Variants in NTSR1 observed in about 807,000 individuals in gnomAD.
The protein encoded by NTSR1 is neurotensin receptor 1, also known as neurotensin receptor type 1.
Under a neutral mutation model 31.2 loss-of-function variants are expected in NTSR1, and 29 were observed. The ratio of observed to expected loss-of-function variants is 0.93; its 90% CI spans 0.69 to 1.27. The LOEUF (loss-of-function observed/expected upper bound fraction) is 1.27, where lower values mean the gene tolerates loss of function less well. NTSR1 is among the 50% of genes most tolerant of loss of function. The probability of loss-of-function intolerance (pLI) is 0.00; values close to 1 mark genes in which losing one functional copy is unlikely to be tolerated. For synonymous variants in NTSR1, 282 were observed against 269.9 expected, an observed-to-expected ratio of 1.04 and a Z score of -0.44; for missense variants, 697 against 595.4, an observed-to-expected ratio of 1.17 and a Z score of -1.78.
Position 62,754,844 on chromosome 20 carries a change from C to G in NTSR1, c.874C>G (p.Pro292Ala). 1 of 1,607,312 alleles carries G rather than the reference C, an allele frequency of 6.2e-7. No homozygotes were observed. ...CAGCACATTCAGCATGGCCATCGAG[C>G]CTGGCAGGGTCCAGGCCCTGCGGCA... is the stretch of plus-strand genomic sequence containing the variant. The part of the protein sequence containing the change: ...EHSTFSMAIE[P>A]GRVQALRHGV... The change falls in exon 2 of 4, where the codon CCT becomes GCT. Residue 292 changes from proline to alanine, a missense_variant. Physicochemically the swap from Pro to Ala is conservative, Grantham distance 27. Transcript: ENST00000370501.
At chr20:62,738,412 A>G (rs1989143819) in intron 1 of NTSR1, among the ~76,000 whole-genome samples, 1 of 152,232 alleles carries the variant, frequency 6.6e-6, no homozygotes, top group African/African-American at 2.4e-5. Context: ...TGCCAGCAGT[A>G]ATAGCCCGAG....
rs940495900 is a variant in NTSR1 at position 62,711,926 on chromosome 20, C to T, written c.714+2005C>T. On this transcript the variant is annotated intron_variant, in intron 1 of 3. Coordinates refer to ENST00000370501, the MANE Select transcript of NTSR1 (RefSeq NM_002531.3). This position sits in a 1 kb window ranked among gnomAD's most constrained non-coding sequence, Gnocchi z 6.4. ...CTGTGACGTATCAACCGTAGGACAGCGGCCCCACGCCCTGCAGACGCCATG... is the reference window on the plus strand; with the variant it reads ...CTGTGACGTATCAACCGTAGGACAGTGGCCCCACGCCCTGCAGACGCCATG... Among the ~76,000 whole-genome samples, 1 of 152,228 alleles carries T rather than the reference C, an allele frequency of 6.6e-6. No homozygotes were observed.
chr20:62,723,566 C>T (rs1299108314), intron 1 of NTSR1, among the ~76,000 whole-genome samples: 4 of 152,198 alleles, frequency 2.6e-5, no homozygotes, highest in Admixed American at 6.5e-5. Flanking sequence ...GAGGGATAAG[C>T]CATTCCATCT....
intron 1 of NTSR1, among the ~76,000 whole-genome samples, chr20:62,731,106 C>T (rs760563620): frequency 2.6e-5 from 4 of 151,898 alleles, no homozygotes; most frequent in Admixed American, 6.6e-5. Context: ...GTTTTTGAGA[C>T]GGAGTTTCGC....
At position 62,758,003 on chromosome 20, in the gene NTSR1, C is replaced by G. The variant is rs951739297; in HGVS notation, c.917-263C>G. On this transcript the variant is annotated intron_variant, in intron 2 of 3. Coordinates refer to ENST00000370501, the MANE Select transcript of NTSR1 (RefSeq NM_002531.3). This position sits in a 1 kb window ranked among gnomAD's most constrained non-coding sequence, Gnocchi z 4.5. ...CAGGTGCAGTGGGTCTCTGAGCCCA[C>G]GTCTCTGTGCCTCAGGTGCAGTGGG... Among the ~76,000 whole-genome samples the G allele has an allele frequency of 6.6e-6, 1 of 150,456 alleles. No individual in the cohort carries two copies. The highest frequency in any genetic ancestry group is 1.5e-5 in the Non-Finnish European group (1 of 67,638).
intron 1 of NTSR1, among the ~76,000 whole-genome samples, chr20:62,735,020 C>T (rs1034156837): frequency 1.3e-5 from 2 of 152,126 alleles, no homozygotes; most frequent in Non-Finnish European, 2.9e-5. Flanking sequence ...GTGCCGCGTG[C>T]GGGGTGCCAG....
chr20:62,715,377 C>T lies in NTSR1; in HGVS notation c.714+5456C>T, dbSNP rs372297584. Among the ~76,000 whole-genome samples the T allele has an allele frequency of 6.6e-6, 1 of 152,314 alleles. No individual in the cohort carries two copies. The highest frequency in any genetic ancestry group is 2.4e-5 in the African/African-American group (1 of 41,562). ...TCCCAGATGAAGCAGAGGGCAGAGC[C>T]ACCTGTGCACATCACGTGGCTGGAG... On this transcript the variant is annotated intron_variant, in intron 1 of 3. Transcript: ENST00000370501. This position sits in a 1 kb window ranked among gnomAD's most constrained non-coding sequence, Gnocchi z 4.7.
intron 1 of NTSR1, among the ~76,000 whole-genome samples, chr20:62,713,830 T>C (rs1988663259): frequency 6.6e-6 from 1 of 152,212 alleles, no homozygotes; most frequent in Non-Finnish European, 1.5e-5. Context: ...CCGGGCGTGG[T>C]GGCTCACACC....
chr20:62,711,763 C>G lies in NTSR1; in HGVS notation c.714+1842C>G, dbSNP rs566254110. Among the ~76,000 whole-genome samples the G allele has an allele frequency of 8.5e-5, 13 of 152,332 alleles. No homozygotes were observed. Among genetic ancestry groups the G allele is most frequent in the Admixed American group, 2.0e-4 (3 of 15,304 alleles). On this transcript the variant is annotated intron_variant, in intron 1 of 3. Transcript: ENST00000370501. This position sits in a 1 kb window ranked among gnomAD's most constrained non-coding sequence, Gnocchi z 6.4. ...GCGTGCGTGGGCTCTCTGCCAGGTA[C>G]TTGGGATTGGGCACCTGGGGGACAT...
chr20:62,757,941 A>G (rs897751558), intron 2 of NTSR1, among the ~76,000 whole-genome samples: 4 of 151,524 alleles, frequency 2.6e-5, no homozygotes, highest in Non-Finnish European at 5.9e-5. Flanking sequence ...TCTGTGCCTC[A>G]GGTGCAGTGG....
At position 62,744,210 on chromosome 20, in the gene NTSR1, A is replaced by G. The variant is rs998400186; in HGVS notation, c.715-10475A>G. Among the ~76,000 whole-genome samples the G allele has an allele frequency of 1.3e-5, 2 of 152,148 alleles. No homozygotes were observed. The highest frequency in any genetic ancestry group is 2.9e-5 in the Non-Finnish European group (2 of 68,014). On this transcript the variant is annotated intron_variant, in intron 1 of 3. Transcript: ENST00000370501. This position sits in a 1 kb window ranked among gnomAD's most constrained non-coding sequence, Gnocchi z 4.1. Reference sequence around the variant, plus strand: ...TCCTTTCCCACACCCAAGGGAGCACAGTCAGTGCTCCAGGAACTGAGGCAG... The same window carrying G: ...TCCTTTCCCACACCCAAGGGAGCACGGTCAGTGCTCCAGGAACTGAGGCAG...
chr20:62,754,760 A>G lies in NTSR1; in HGVS notation c.790A>G (p.Thr264Ala). The G allele has an allele frequency of 1.9e-6, 3 of 1,612,712 alleles. No homozygotes were observed. The highest frequency in any genetic ancestry group is 2.5e-6 in the Non-Finnish European group (3 of 1,179,784). The change falls in exon 2 of 4, where the codon ACC (threonine) becomes GCC (alanine). Residue 264 changes from threonine (T) to alanine (A), a missense_variant. Thr to Ala is a moderately conservative substitution (Grantham distance 58). Coordinates refer to ENST00000370501, the MANE Select transcript of NTSR1 (RefSeq NM_002531.3). ...VLNTIIANKL[T>A]VMVRQAAEQG... ...GAACACCATCATCGCCAACAAGCTG[A>G]CCGTCATGGTACGCCAGGCGGCCGA...
rs1384067185 is a variant in NTSR1, at chr20:62,709,628, T to C, written c.421T>C (p.Cys141Arg). 1 of 1,612,164 alleles carries C rather than the reference T, an allele frequency of 6.2e-7. No individual in the cohort carries two copies. The highest frequency in any genetic ancestry group is 2.2e-5 in the East Asian group (1 of 44,866). ...CCCCTGGGCCTTCGGCGACGCCGGC[T>C]GCCGCGGCTACTACTTCCTGCGCGA... The part of the protein sequence containing the change: ...HHPWAFGDAG[C>R]RGYYFLRDAC... The change falls in exon 1 of 4, where the codon TGC (cysteine) becomes CGC (arginine). Residue 141 changes from cysteine (C) to arginine (R), a missense_variant. Transcript: ENST00000370501.
At chr20:62,740,540 G>A (rs759463667) in intron 1 of NTSR1, among the ~76,000 whole-genome samples, 6 of 147,186 alleles carry the variant, frequency 4.1e-5, no homozygotes, top group African/African-American at 1.3e-4. Context: ...CCGTGCAGGC[G>A]GGAGGGAAAA....
intron 1 of NTSR1, among the ~76,000 whole-genome samples, chr20:62,713,508 A>G (rs1379270884): frequency 6.6e-6 from 1 of 152,188 alleles, no homozygotes; most frequent in African/African-American, 2.4e-5. Context: ...AAATCTGGCC[A>G]TGGATTATTT....
chr20:62,740,676 G>A (rs540705968), intron 1 of NTSR1, among the ~76,000 whole-genome samples: 282 of 152,308 alleles, frequency 1.9e-3, no homozygotes, highest in African/African-American at 6.6e-3. Flanking sequence ...GATCCTTCCC[G>A]CTCAGATCCC....
At chr20:62,746,410 G>T (rs1412195761) in intron 1 of NTSR1, among the ~76,000 whole-genome samples, 1 of 152,210 alleles carries the variant, frequency 6.6e-6, no homozygotes, top group Non-Finnish European at 1.5e-5. Context: ...GTCACTGCAG[G>T]TGGTTCTTTC....
Position 62,708,978 on chromosome 20 carries a change from A to G in NTSR1, c.-230A>G. On this transcript the variant is annotated 5_prime_UTR_variant, in exon 1 of 4. Coordinates refer to ENST00000370501, the MANE Select transcript of NTSR1 (RefSeq NM_002531.3). This position sits in a 1 kb window ranked among gnomAD's most constrained non-coding sequence, Gnocchi z 5.9. ...CAGCCCGAGGAACCACGGGTTCTGGAGCTAGGAGCCGGAAGCTGGGAGTCC... is the reference window on the plus strand; with the variant it reads ...CAGCCCGAGGAACCACGGGTTCTGGGGCTAGGAGCCGGAAGCTGGGAGTCC... 1 of 433,630 alleles carries G rather than the reference A, an allele frequency of 2.3e-6. No homozygotes were observed. The highest frequency in any genetic ancestry group is 4.0e-6 in the Non-Finnish European group (1 of 248,450). The allele number at this position is 433,630 out of a possible 1,614,324, so 26.9% of individuals were successfully genotyped here.
intron 1 of NTSR1, 108 bp from the exon 2 acceptor site, chr20:62,754,577 C>T (rs1989447032): frequency 3.4e-6 from 3 of 893,910 alleles, no homozygotes; most frequent in Admixed American, 3.5e-5. Flanking sequence ...TGACTGAGCA[C>T]CTCACACTGA....
Sources: gnomAD v4.1 joint callset for allele counts (sites outside exome capture counted in the v4.1 genomes callset) on GRCh38, gnomAD v4.1.1 for gene constraint, Gnocchi (gnomAD v3.1) non-coding constraint, MANE v1.5 for transcripts, NCBI Gene and HGNC (gene_info 2026-07-23, HGNC 2026-07-21) for gene names.